LRBA: variants seen among roughly 807,000 people sequenced by gnomAD.
LRBA encodes lipopolysaccharide-responsive and beige-like anchor protein.
Under a neutral mutation model 330.0 loss-of-function variants are expected in LRBA, and 176 were observed. The observed-to-expected ratio is 0.53, with a 90% CI of 0.47 to 0.60. LRBA has a LOEUF of 0.60. Among genes scored for constraint, LRBA ranks in the 20% least tolerant of loss-of-function variants. LRBA has a pLI of 0.00. For missense variants in LRBA, 3,259 were observed against 3,444.8 expected (o/e 0.95, Z 1.35); for synonymous variants, 1,230 against 1,193.0 (o/e 1.03, Z -0.64).
rs201523389 is a variant in LRBA, at chr4:150,583,983, C to T, written c.6330+4065G>A. 8.1e-4 allele frequency: 1,308 copies of T among 1,614,080 alleles called. 3 individuals are homozygous for T. Among genetic ancestry groups the T allele is most frequent in the Non-Finnish European group, 1.0e-3 (1,188 of 1,180,026 alleles). On this transcript the variant is annotated intron_variant, in intron 40 of 56. Coordinates refer to ENST00000651943, the MANE Select transcript of LRBA (RefSeq NM_001364905.1). This position sits in a 1 kb window ranked among gnomAD's most constrained non-coding sequence, Gnocchi z 9.8. ...GCCTGCAGTGCCGCCGCTGCCCTCACTACTTTCTGCCCAACCTCGACCTCT... is the reference window on the plus strand; with the variant it reads ...GCCTGCAGTGCCGCCGCTGCCCTCATTACTTTCTGCCCAACCTCGACCTCT...
chr4:150,685,756 G>A (rs554891198), intron 36 of LRBA, among the ~76,000 whole-genome samples: 1 of 151,874 alleles, frequency 6.6e-6, no homozygotes, highest in Non-Finnish European at 1.5e-5. Flanking sequence ...ATCTTAGTCT[G>A]TGCAAAACAC....
intron 37 of LRBA, among the ~76,000 whole-genome samples, chr4:150,666,794 C>T (rs556656303): frequency 1.3e-5 from 2 of 152,184 alleles, no homozygotes; most frequent in Admixed American, 1.3e-4. Context: ...AATTGTACCA[C>T]AAAAAATAAA....
intron 44 of LRBA, among the ~76,000 whole-genome samples, chr4:150,455,505 C>A (rs1238242814): frequency 6.6e-6 from 1 of 151,920 alleles, no homozygotes; most frequent in Non-Finnish European, 1.5e-5. Flanking sequence ...AATTGGAAAT[C>A]ATCATTCTCA....
intron 53 of LRBA, among the ~76,000 whole-genome samples, chr4:150,295,666 G>T (rs1014921794): frequency 4.6e-5 from 7 of 152,036 alleles, no homozygotes; most frequent in African/African-American, 1.7e-4. Context: ...CTTTTTCTAT[G>T]CATAAATGTA....
At chr4:150,923,758 C>T (rs1450490088) in intron 4 of LRBA, among the ~76,000 whole-genome samples, 1 of 152,150 alleles carries the variant, frequency 6.6e-6, no homozygotes, top group Non-Finnish European at 1.5e-5. Context: ...AAGTGTGGGG[C>T]ATTCCTCCTT....
intron 2 of LRBA, among the ~76,000 whole-genome samples, chr4:150,967,777 G>A (rs1012112767): frequency 1.3e-5 from 2 of 152,048 alleles, no homozygotes; most frequent in African/African-American, 4.8e-5. Context: ...AGTGATCTTT[G>A]ATGTTACTAC....
intron 40 of LRBA, among the ~76,000 whole-genome samples, chr4:150,573,200 T>A (rs559916792): frequency 6.6e-6 from 1 of 152,262 alleles, no homozygotes; most frequent in South Asian, 2.1e-4. Flanking sequence ...GTTGTAACTG[T>A]CATAATTTGC....
intron 38 of LRBA, chr4:150,597,033 G>T: frequency 1.1e-6 from 1 of 908,644 alleles, no homozygotes; most frequent in Non-Finnish European, 1.7e-6. Flanking sequence ...TAACATTTTG[G>T]AGTATGACAA....
At chr4:150,508,619 A>T (rs1436003801) in intron 40 of LRBA, among the ~76,000 whole-genome samples, 7 of 152,180 alleles carry the variant, frequency 4.6e-5, no homozygotes, top group African/African-American at 1.7e-4. Flanking sequence ...ACATTTAATT[A>T]GGGATAAAGA....
At chr4:150,847,335 T>C (rs1009273592) in intron 26 of LRBA, among the ~76,000 whole-genome samples, 1 of 152,176 alleles carries the variant, frequency 6.6e-6, no homozygotes, top group Non-Finnish European at 1.5e-5. Flanking sequence ...AACAACTGTC[T>C]ATAAATTGTT....
chr4:150,477,309 A>G (rs1017702464), intron 42 of LRBA, among the ~76,000 whole-genome samples: 2 of 152,166 alleles, frequency 1.3e-5, no homozygotes, highest in Non-Finnish European at 2.9e-5. Flanking sequence ...TCACACTGCT[A>G]TAAAGAACAG....
At chr4:150,713,103 AT>A (rs1786398580) in intron 36 of LRBA, among the ~76,000 whole-genome samples, 1 of 151,900 alleles carries the variant, frequency 6.6e-6, no homozygotes, top group African/African-American at 2.4e-5. Context: ...AGCCCAGCTA[AT>A]TTTTAAATTT....
At chr4:150,584,172 C>G in intron 40 of LRBA, 4 of 1,445,268 alleles carry the variant, frequency 2.8e-6, no homozygotes, top group African/African-American at 1.4e-5. Flanking sequence ...CACAACTCTG[C>G]TATAAACAGC....
intron 37 of LRBA, among the ~76,000 whole-genome samples, chr4:150,641,263 T>G (rs547386880): frequency 1.9e-4 from 29 of 152,282 alleles, no homozygotes; most frequent in African/African-American, 7.0e-4. Context: ...AATAAGAAAT[T>G]TTTATATTCC....
At chr4:150,337,951 T>C (rs1175219811) in intron 48 of LRBA, among the ~76,000 whole-genome samples, 1 of 152,150 alleles carries the variant, frequency 6.6e-6, no homozygotes, top group Non-Finnish European at 1.5e-5. Context: ...AGCTGCTGAC[T>C]CCCACCAACA....
intron 40 of LRBA, among the ~76,000 whole-genome samples, chr4:150,563,632 A>AC (rs893663920): frequency 6.6e-6 from 1 of 152,102 alleles, no homozygotes; most frequent in African/African-American, 2.4e-5. Context: ...TATGTAGAAA[A>AC]CCCCATCATA....
intron 2 of LRBA, among the ~76,000 whole-genome samples, chr4:150,973,326 C>G (rs758950977): frequency 6.6e-6 from 1 of 152,054 alleles, no homozygotes; most frequent in African/African-American, 2.4e-5. Context: ...CGCCACCACG[C>G]CCAGCTAATT....
chr4:151,006,392 C>T (rs988696824), intron 2 of LRBA, among the ~76,000 whole-genome samples: 1 of 151,932 alleles, frequency 6.6e-6, no homozygotes, highest in African/African-American at 2.4e-5. Flanking sequence ...AAAGATTGTA[C>T]TTTTATTTTA....
Position 150,925,631 on chromosome 4 carries a change from C to T in LRBA, c.549+2885G>A, listed in dbSNP as rs376053163. On this transcript the variant is annotated intron_variant, in intron 4 of 56. Coordinates refer to ENST00000651943, the MANE Select transcript of LRBA (RefSeq NM_001364905.1). The stretch of plus-strand genomic sequence containing the variant: ...CAGATGGAAGGTGACAATATCAATA[C>T]TGTTTTAATGTGAATGTCTCTAATT... Among the ~76,000 whole-genome samples, 112 of 152,270 alleles carry T rather than the reference C, an allele frequency of 7.4e-4. 4 individuals are homozygous for T. The South Asian group carries it at 0.023, about 31-fold the overall frequency.
Sources: allele counts gnomAD v4.1 joint callset (sites outside exome capture counted in the v4.1 genomes callset), GRCh38; gene constraint gnomAD v4.1.1; non-coding constraint Gnocchi (gnomAD v3.1); transcripts MANE v1.5; gene names NCBI Gene and HGNC (gene_info 2026-07-23, HGNC 2026-07-21).